The following LRRTM4 variants were observed in gnomAD, a reference collection of about 807,000 sequenced individuals.
LRRTM4 encodes leucine-rich repeat transmembrane neuronal protein 4.
Under a neutral mutation model 47.6 loss-of-function variants are expected in LRRTM4, and 25 were observed. The observed-to-expected ratio is 0.53, with a 90% confidence interval of 0.38 to 0.73. The LOEUF is 0.73. Among genes scored for constraint, LRRTM4 ranks in the 30% least tolerant of loss-of-function variants. The pLI is 0.00. For synonymous variants in LRRTM4, 311 were observed against 269.5 expected, an observed-to-expected ratio of 1.15 and a Z score of -1.51; for missense variants, 638 against 713.4, an observed-to-expected ratio of 0.89 and a Z score of 1.20.
At position 76,748,729 on chromosome 2, in the gene LRRTM4, G is replaced by A. The variant is rs890968595; in HGVS notation, c.1739C>T (p.Ala580Val). 2 of 1,613,790 alleles carry A rather than the reference G, an allele frequency of 1.2e-6. No homozygotes were observed. The highest frequency in any genetic ancestry group is 2.2e-5 in the South Asian group (2 of 91,078). ...AATTCTCTCTAGGTAGATGGCCGGTGCTGCCGACCTGGCGATGGTGGCGAT... is the reference window on the plus strand; with the variant it reads ...AATTCTCTCTAGGTAGATGGCCGGTACTGCCGACCTGGCGATGGTGGCGAT... ...SFIATIARSA[A>V]PAIYLERIAN Residue 580 changes from alanine (A) to valine (V), a missense_variant, in exon 4 of 4, where the codon GCA becomes GTA. Transcript: ENST00000409884.
At chr2:76,870,522 T>G (rs1235897892) in intron 3 of LRRTM4, among the ~76,000 whole-genome samples, 2 of 152,130 alleles carry the variant, frequency 1.3e-5, no homozygotes, top group Non-Finnish European at 2.9e-5. Context: ...ATGTCAAGCT[T>G]AGGTATATGG....
chr2:77,185,944 A>C (rs1288614581), intron 3 of LRRTM4, among the ~76,000 whole-genome samples: 2 of 152,254 alleles, frequency 1.3e-5, no homozygotes, highest in East Asian at 1.9e-4. Context: ...ATGTGAGATT[A>C]TGTTTGTGAA....
rs529270770 is a variant in LRRTM4 at position 76,998,175 on chromosome 2, T to C, written c.1552-249259A>G. Among the ~76,000 whole-genome samples, 4 of 152,230 alleles carry C rather than the reference T, an allele frequency of 2.6e-5. No homozygotes were observed. The South Asian group carries it at 8.3e-4, about 32-fold the overall frequency. On this transcript the variant is annotated intron_variant, in intron 3 of 3. Transcript: ENST00000409884. The stretch of plus-strand genomic sequence containing the variant: ...CATGTCTGTGGAAAAATGTCATCCA[T>C]GAAACCAGTCCCTGGTGCCAGAAAT...
intron 3 of LRRTM4, among the ~76,000 whole-genome samples, chr2:77,047,478 T>C (rs62170906): frequency 0.12 from 18,376 of 151,988 alleles, 1,395 homozygotes; most frequent in Admixed American, 0.19. Flanking sequence ...GAAGAAGCTG[T>C]TCTACGCCCC....
At chr2:76,984,617 G>T (rs1330773657) in intron 3 of LRRTM4, among the ~76,000 whole-genome samples, 1 of 151,960 alleles carries the variant, frequency 6.6e-6, no homozygotes, top group Non-Finnish European at 1.5e-5. Flanking sequence ...GGTGGAGAAG[G>T]CTTCTAGCAA....
intron 3 of LRRTM4, among the ~76,000 whole-genome samples, chr2:77,041,844 A>T (rs1679045416): frequency 6.7e-6 from 1 of 149,980 alleles, no homozygotes; most frequent in Non-Finnish European, 1.5e-5. Context: ...AACCGCAATG[A>T]CTTTTGCACT....
chr2:76,852,438 C>T (rs1672025403), intron 3 of LRRTM4, among the ~76,000 whole-genome samples: 1 of 152,104 alleles, frequency 6.6e-6, no homozygotes. Context: ...GTCCCAATCC[C>T]CATCAGTAAC....
At chr2:77,255,623 G>C (rs1422923943) in intron 3 of LRRTM4, among the ~76,000 whole-genome samples, 1 of 151,896 alleles carries the variant, frequency 6.6e-6, no homozygotes, top group East Asian at 1.9e-4. Flanking sequence ...ACAATAACAG[G>C]AAAATCCACA....
rs75110385 is a variant in LRRTM4, at chr2:76,966,689, T to C, written c.1552-217773A>G. On this transcript the variant is annotated intron_variant, in intron 3 of 3. Coordinates refer to ENST00000409884, the MANE Select transcript of LRRTM4 (RefSeq NM_001134745.3). ...TTATTAGAATCCTGTTTAATCAAAT[T>C]GGCTGTCCCAAAAATACTAGTGTCA... Among the ~76,000 whole-genome samples the C allele has an allele frequency of 9.8e-3, 1,492 of 151,574 alleles. 23 individuals carry two copies. Among genetic ancestry groups the C allele is most frequent in the African/African-American group, 0.035 (1,443 of 41,470 alleles).
At chr2:77,138,474 G>A (rs1277219418) in intron 3 of LRRTM4, among the ~76,000 whole-genome samples, 1 of 152,136 alleles carries the variant, frequency 6.6e-6, no homozygotes, top group Non-Finnish European at 1.5e-5. Flanking sequence ...TTTAAACAGT[G>A]TGTAGAGGGA....
chr2:77,446,529 T>C (rs1676059112), intron 3 of LRRTM4, among the ~76,000 whole-genome samples: 1 of 152,076 alleles, frequency 6.6e-6, no homozygotes, highest in African/African-American at 2.4e-5. Context: ...ACAACTAACT[T>C]AGTACCATCA....
intron 3 of LRRTM4, among the ~76,000 whole-genome samples, chr2:76,967,080 A>C (rs903959963): frequency 6.0e-5 from 9 of 150,488 alleles, no homozygotes; most frequent in African/African-American, 2.2e-4. Context: ...ATAACATCAC[A>C]TGTTTACTGT....
intron 3 of LRRTM4, among the ~76,000 whole-genome samples, chr2:77,094,384 T>A (rs1467529405): frequency 6.6e-6 from 1 of 152,138 alleles, no homozygotes; most frequent in Non-Finnish European, 1.5e-5. Context: ...TCAATGCAAT[T>A]TCTATCAAAA....
intron 3 of LRRTM4, among the ~76,000 whole-genome samples, chr2:77,366,702 G>T (rs763840699): frequency 1.3e-5 from 2 of 151,776 alleles, no homozygotes; most frequent in Non-Finnish European, 2.9e-5. Flanking sequence ...CATGCAGTTA[G>T]ACACAGAAAA....
At chr2:77,262,591 G>T (rs371384816) in intron 3 of LRRTM4, among the ~76,000 whole-genome samples, 6 of 151,148 alleles carry the variant, frequency 4.0e-5, no homozygotes, top group African/African-American at 1.5e-4. Flanking sequence ...GAGTCTCTCA[G>T]ACTTTACTTG....
intron 3 of LRRTM4, among the ~76,000 whole-genome samples, chr2:76,925,364 G>C (rs1350097801): frequency 6.6e-6 from 1 of 152,110 alleles, no homozygotes; most frequent in Non-Finnish European, 1.5e-5. Context: ...GCCTGAAAGA[G>C]GACCAAGCCT....
At chr2:77,117,572 C>A (rs1345189567) in intron 3 of LRRTM4, among the ~76,000 whole-genome samples, 1 of 151,684 alleles carries the variant, frequency 6.6e-6, no homozygotes, top group Non-Finnish European at 1.5e-5. Context: ...TATCTAAAAA[C>A]TTTTTGTTCC....
chr2:76,980,476 T>C lies in LRRTM4; in HGVS notation c.1552-231560A>G, dbSNP rs531788005. Among the ~76,000 whole-genome samples, 3 of 152,244 alleles carry C rather than the reference T, an allele frequency of 2.0e-5. No individual in the cohort carries two copies. In the East Asian group the frequency reaches 5.8e-4, roughly 29 times the overall value. Reference sequence around the variant, plus strand: ...AAGGTGGCAGAGAAAACAGATGGAATAGTCCTACTACCTTATGTGTCACTT... The same window carrying C: ...AAGGTGGCAGAGAAAACAGATGGAACAGTCCTACTACCTTATGTGTCACTT... On this transcript the variant is annotated intron_variant, in intron 3 of 3. Transcript: ENST00000409884.
At chr2:77,372,298 C>T (rs1672682074) in intron 3 of LRRTM4, among the ~76,000 whole-genome samples, 1 of 151,772 alleles carries the variant, frequency 6.6e-6, no homozygotes, top group Non-Finnish European at 1.5e-5. Flanking sequence ...GAGACATACA[C>T]ATGTGCCATA....
Sources: allele counts gnomAD v4.1 joint callset (sites outside exome capture counted in the v4.1 genomes callset), GRCh38; gene constraint gnomAD v4.1.1; transcripts MANE v1.5; gene names NCBI Gene and HGNC (gene_info 2026-07-23, HGNC 2026-07-21).